The following ZNF33B variants were observed in gnomAD, a reference collection of about 807,000 sequenced individuals.
ZNF33B encodes zinc finger protein 11b (KOX 2).
In ZNF33B, 29 loss-of-function variants were observed where a neutral mutation model predicts 45.8. That is an observed-to-expected ratio of 0.63 (90% confidence interval 0.47 to 0.86). ZNF33B has a LOEUF of 0.86. Ranked by LOEUF, ZNF33B falls within the 40% of genes least tolerant of loss-of-function variation. The pLI is 0.00. For synonymous variants in ZNF33B, 305 were observed against 307.8 expected (o/e 0.99, Z 0.10); for missense variants, 831 against 909.9 (o/e 0.91, Z 1.12).
downstream of ZNF33B, among the ~76,000 whole-genome samples, chr10:42,588,461 T>C (rs550601194): frequency 6.6e-6 from 1 of 152,368 alleles, no homozygotes; most frequent in East Asian, 1.9e-4. Context: ...GGATGGGCCA[T>C]CCTGTTTATG....
intron 4 of ZNF33B, among the ~76,000 whole-genome samples, chr10:42,608,086 ATTTTACT>A (rs1837941556): frequency 6.6e-6 from 1 of 152,176 alleles, no homozygotes; most frequent in African/African-American, 2.4e-5. Flanking sequence ...TAACACAAAA[ATTTTACT>A]AAGGATAAAG....
At chr10:42,582,350 G>C (rs1280722724) in intron 1 of ZNF33B, 1 of 152,222 alleles carries the variant, frequency 6.6e-6, no homozygotes, top group East Asian at 1.9e-4. Flanking sequence ...ATTTTGATCA[G>C]AGGTCCCTTC....
intron 4 of ZNF33B, among the ~76,000 whole-genome samples, chr10:42,621,187 G>A (rs1409901379): frequency 1.3e-5 from 2 of 150,478 alleles, no homozygotes; most frequent in African/African-American, 4.9e-5. Flanking sequence ...AGATAGCTGG[G>A]CATAGTGGGC....
chr10:42,638,046 G>A (rs906276929), intron 1 of ZNF33B, among the ~76,000 whole-genome samples: 1 of 152,238 alleles, frequency 6.6e-6, no homozygotes, highest in Non-Finnish European at 1.5e-5. Flanking sequence ...GACATGACTG[G>A]AGGGCAGTTC....
At position 42,598,897 on chromosome 10, in the gene ZNF33B, C is replaced by T. The variant is rs561481524; in HGVS notation, c.251-4198G>A. Among the ~76,000 whole-genome samples the T allele has an allele frequency of 2.6e-5, 4 of 152,290 alleles. No homozygotes were observed. The East Asian group carries it at 7.7e-4, about 29-fold the overall frequency. ...GTTTTGTTATTAGGGCAATGCTGGA[C>T]TCAAAGAATGATTTAGGAAGTATTC... On this transcript the variant is annotated intron_variant, in intron 4 of 4. Coordinates refer to ENST00000359467, the MANE Select transcript of ZNF33B (RefSeq NM_006955.3).
At chr10:42,577,299 G>T (rs1312511862) in intron 1 of ZNF33B, among the ~76,000 whole-genome samples, 2 of 152,018 alleles carry the variant, frequency 1.3e-5, no homozygotes, top group African/African-American at 4.8e-5. Context: ...CTCCCCACTG[G>T]TGCCTCCTCC....
In ZNF33B at chr10:42,593,983, C is replaced by G; in HGVS notation, c.967G>C (p.Asp323His). 6.2e-7 allele frequency: 1 copy of G among 1,614,070 alleles called. No individual in the cohort carries two copies. The highest frequency in any genetic ancestry group is 8.5e-7 in the Non-Finnish European group (1 of 1,179,960). The change falls in exon 5 of 5, where the codon GAT (aspartate) becomes CAT (histidine). Residue 323 changes from aspartate (D) to histidine (H), a missense_variant. Transcript: ENST00000359467. The stretch of plus-strand genomic sequence containing the variant: ...CATTCAAAGTGTTTCTCTCCTTTAT[C>G]ACCTTTCTGAAGCTGTGACAGACAC... ...KLCLSQLQKG[D>H]KGEKHFECNE...
At chr10:42,576,418 G>A (rs557233412) in intron 1 of ZNF33B, among the ~76,000 whole-genome samples, 12 of 152,298 alleles carry the variant, frequency 7.9e-5, no homozygotes, top group African/African-American at 2.9e-4. Context: ...CAGGGGAGAT[G>A]CCTCCGTGTG....
chr10:42,622,729 G>A (rs1338391943), intron 4 of ZNF33B, among the ~76,000 whole-genome samples: 1 of 152,154 alleles, frequency 6.6e-6, no homozygotes, highest in Non-Finnish European at 1.5e-5. Flanking sequence ...AATGGTGATA[G>A]AGTTTCTGTT....
intron 1 of ZNF33B, among the ~76,000 whole-genome samples, chr10:42,580,917 T>C (rs1836813486): frequency 6.6e-6 from 1 of 151,078 alleles, no homozygotes; most frequent in Non-Finnish European, 1.5e-5. Flanking sequence ...AAATAAATAA[T>C]AAAATAAAAT....
chr10:42,582,248 C>T (rs571713812), intron 1 of ZNF33B: 1 of 152,322 alleles, frequency 6.6e-6, no homozygotes, highest in Admixed American at 6.5e-5. Flanking sequence ...TTATCTAGTA[C>T]TGTGTCTGGA....
chr10:42,594,316 T>A lies in ZNF33B; in HGVS notation c.634A>T (p.Ile212Phe), dbSNP rs1294175900. Residue 212 changes from isoleucine to phenylalanine, a missense_variant, in exon 5 of 5, where the codon ATT (isoleucine) becomes TTT (phenylalanine). Transcript: ENST00000359467. ...TCAAAATTGTGGTCTAAAGTTTGAA[T>A]CTTCTCATGCTGCAAAGTGTTCTCA... ...HRENTLQHEK[I>F]QTLDHNFEYS... 1.2e-6 allele frequency: 2 copies of A among 1,613,914 alleles called. No homozygotes were observed. Among genetic ancestry groups the A allele is most frequent in the Non-Finnish European group, 8.5e-7 (1 of 1,179,886 alleles).
At chr10:42,631,121 A>G (rs777242338) in intron 4 of ZNF33B, among the ~76,000 whole-genome samples, 2 of 152,208 alleles carry the variant, frequency 1.3e-5, no homozygotes, top group Non-Finnish European at 2.9e-5. Flanking sequence ...TTTCTTTCAT[A>G]GTCTTTAAAA....
chr10:42,584,319 T>C (rs1836885512), downstream of ZNF33B, among the ~76,000 whole-genome samples: 1 of 152,134 alleles, frequency 6.6e-6, no homozygotes, highest in Admixed American at 6.5e-5. Flanking sequence ...CTACTCAGCC[T>C]CCTTCTGGTC....
rs1839450662 is a variant in ZNF33B, at chr10:42,638,498, C to T, written c.-69G>A. ...CCTCACTCTCTCTTCGGGTTGCATTCGCCATAAGAGAGCCGGTAGACCCCT... is the reference window on the plus strand; with the variant it reads ...CCTCACTCTCTCTTCGGGTTGCATTTGCCATAAGAGAGCCGGTAGACCCCT... On this transcript the variant is annotated 5_prime_UTR_variant, in exon 1 of 5. Transcript: ENST00000359467. The T allele has an allele frequency of 6.3e-6, 3 of 473,856 alleles. No individual in the cohort carries two copies. The highest frequency in any genetic ancestry group is 2.0e-5 in the African/African-American group (1 of 50,548). The allele number at this position is 473,856 out of a possible 1,614,324, so 29.4% of individuals were successfully genotyped here.
chr10:42,633,496 G>A (rs1239481152), intron 2 of ZNF33B, among the ~76,000 whole-genome samples: 2 of 152,172 alleles, frequency 1.3e-5, no homozygotes, highest in East Asian at 1.9e-4. Context: ...AATAGGGCAT[G>A]AATAATAGGA....
At chr10:42,629,034 G>A (rs1286783622) in intron 4 of ZNF33B, among the ~76,000 whole-genome samples, 1 of 152,138 alleles carries the variant, frequency 6.6e-6, no homozygotes, top group Non-Finnish European at 1.5e-5. Context: ...CTGTTCACAA[G>A]AGCTAAGATT....
chr10:42,592,791 G>C lies in ZNF33B; in HGVS notation c.2159C>G (p.Ser720Cys). The change falls in exon 5 of 5, where the codon TCT becomes TGT. Residue 720 changes from serine to cysteine, a missense_variant. Ser to Cys is a moderately radical substitution (Grantham distance 112). Transcript: ENST00000359467. Reference protein sequence around the residue: ...VHHRAHTGEKSCQCNECGKIF... With the variant: ...VHHRAHTGEKCCQCNECGKIF... ...TTTTCCACATTCATTACACTGACAA[G>C]ATTTCTCTCCTGTGTGAGCCCTGTG... is the stretch of plus-strand genomic sequence containing the variant. The C allele has an allele frequency of 6.2e-7, 1 of 1,614,104 alleles. No homozygotes were observed. The highest frequency in any genetic ancestry group is 8.5e-7 in the Non-Finnish European group (1 of 1,179,996).
chr10:42,581,727 A>C (rs1022808907), intron 1 of ZNF33B: 2 of 152,236 alleles, frequency 1.3e-5, no homozygotes, highest in Admixed American at 6.5e-5. Flanking sequence ...TGCCTGGGAC[A>C]TAAGAGCAGG....
Sources: gnomAD v4.1 joint callset for allele counts (sites outside exome capture counted in the v4.1 genomes callset) on GRCh38, gnomAD v4.1.1 for gene constraint, MANE v1.5 for transcripts, NCBI Gene and HGNC (gene_info 2026-07-23, HGNC 2026-07-21) for gene names.